Variants in PCDHGA8 observed in about 807,000 individuals in gnomAD.
PCDHGA8 encodes protocadherin gamma-A8.
A neutral mutation model predicts 59.2 loss-of-function variants in PCDHGA8; 45 were observed. The observed-to-expected ratio is 0.76, with a 90% CI of 0.60 to 0.98. The LOEUF is 0.98. PCDHGA8 is among the 50% of genes least tolerant of loss of function. The pLI is 0.00. For synonymous variants in PCDHGA8, 531 were observed against 519.0 expected (o/e 1.02, Z -0.32); for missense variants, 1,257 against 1,196.2 (o/e 1.05, Z -0.75).
intron 1 of PCDHGA8, among the ~76,000 whole-genome samples, chr5:141,455,407 A>T (rs1273781307): frequency 1.3e-5 from 2 of 152,174 alleles, no homozygotes; most frequent in Non-Finnish European, 2.9e-5. Context: ...TTACAGAGAC[A>T]GAGGGAGCGG....
rs777856819 is a variant in PCDHGA8, at chr5:141,487,572, T to A, written c.2425-7235T>A. On this transcript the variant is annotated intron_variant, in intron 1 of 3. Coordinates refer to ENST00000398604, the MANE Select transcript of PCDHGA8 (RefSeq NM_032088.2). The surrounding 1 kb of genome is among the most constrained non-coding windows in gnomAD (Gnocchi z 5.0). ...AGTGCACCTATGGCAGGGGAGCCTG[T>A]TCGCCCAAGCTGCCCACCCTCTGAT... 1 of 1,614,168 alleles carries A rather than the reference T, an allele frequency of 6.2e-7. No individual in the cohort carries two copies. Among genetic ancestry groups the A allele is most frequent in the Non-Finnish European group, 8.5e-7 (1 of 1,180,034 alleles).
intron 1 of PCDHGA8, chr5:141,414,666 A>G (rs1243321329): frequency 6.2e-7 from 1 of 1,614,002 alleles, no homozygotes; most frequent in Admixed American, 1.7e-5. Context: ...CCCTGGCTGA[A>G]GACACCATCC....
intron 2 of PCDHGA8, among the ~76,000 whole-genome samples, chr5:141,504,799 C>A (rs1474096570): frequency 6.6e-6 from 1 of 151,994 alleles, no homozygotes; most frequent in African/African-American, 2.4e-5. Context: ...CCTACATCTC[C>A]CCCTAGGTAC....
At chr5:141,400,052 T>C in intron 1 of PCDHGA8, 1 of 1,613,686 alleles carries the variant, frequency 6.2e-7, no homozygotes, top group Non-Finnish European at 8.5e-7. Context: ...CTGGTTGCTG[T>C]GCGTGATGGT....
intron 1 of PCDHGA8, among the ~76,000 whole-genome samples, chr5:141,480,272 G>A (rs903112862): frequency 7.2e-6 from 1 of 138,796 alleles, no homozygotes; most frequent in African/African-American, 3.0e-5. Flanking sequence ...TTCATTAGCT[G>A]GGTGTGTTGG....
intron 1 of PCDHGA8, chr5:141,410,091 G>A: frequency 8.7e-6 from 14 of 1,612,518 alleles, no homozygotes; most frequent in African/African-American, 1.3e-5. Flanking sequence ...CGCACGGCTC[G>A]AGCCTTAGGC....
chr5:141,489,579 C>G lies in PCDHGA8; in HGVS notation c.2425-5228C>G, dbSNP rs112808093. 3.7e-6 allele frequency: 6 copies of G among 1,613,922 alleles called. No individual in the cohort carries two copies. The Admixed American group carries it at 5.0e-5, about 13-fold the overall frequency. On this transcript the variant is annotated intron_variant, in intron 1 of 3. Transcript: ENST00000398604. This position sits in a 1 kb window ranked among gnomAD's most constrained non-coding sequence, Gnocchi z 4.5. ...CAGTGCAGGTGGTGACTGAACACCC[C>G]CTGGAGCTAATCCGTGTAGAGGTAG... is the stretch of plus-strand genomic sequence containing the variant.
chr5:141,432,686 G>A lies in PCDHGA8; in HGVS notation c.2424+37449G>A. On this transcript the variant is annotated intron_variant, in intron 1 of 3. Transcript: ENST00000398604. The surrounding 1 kb of genome is among the most constrained non-coding windows in gnomAD (Gnocchi z 6.0). The stretch of plus-strand genomic sequence containing the variant: ...CAGAGACGCGCTCAAGCAGAGCCTC[G>A]TAGTGGCCGTCCAGGACCACGGCCA... 2 of 1,613,922 alleles carry A rather than the reference G, an allele frequency of 1.2e-6. No homozygotes were observed. The highest frequency in any genetic ancestry group is 1.7e-5 in the Admixed American group (1 of 60,020).
chr5:141,415,007 G>C, intron 1 of PCDHGA8: 1 of 1,613,654 alleles, frequency 6.2e-7, no homozygotes, highest in Non-Finnish European at 8.5e-7. Context: ...CTGTCCTACC[G>C]TCTGCTCAAG....
At chr5:141,408,677 G>A (rs2095149334) in intron 1 of PCDHGA8, 1 of 1,613,898 alleles carries the variant, frequency 6.2e-7, no homozygotes. Flanking sequence ...CCCTGCCACG[G>A]ATCCTGATAT....
intron 1 of PCDHGA8, chr5:141,422,413 GAA>G (rs753790858): frequency 6.2e-7 from 1 of 1,604,644 alleles, no homozygotes; most frequent in South Asian, 1.1e-5. Flanking sequence ...TTTTAAATTA[GAA>G]AAGACTTATG....
rs138149681 is a variant in PCDHGA8, at chr5:141,486,735, G to A, written c.2425-8072G>A. Reference sequence around the variant, plus strand: ...CAGACAGGAGCTGTTCATGCTACTCGATCCTTTGACTATGAGCAAACCCAG... The same window carrying A: ...CAGACAGGAGCTGTTCATGCTACTCAATCCTTTGACTATGAGCAAACCCAG... On this transcript the variant is annotated intron_variant, in intron 1 of 3. Transcript: ENST00000398604. The surrounding 1 kb of genome is among the most constrained non-coding windows in gnomAD (Gnocchi z 5.0). 3.1e-4 allele frequency: 502 copies of A among 1,614,174 alleles called. 1 individual carries two copies. Among genetic ancestry groups the A allele is most frequent in the South Asian group, 1.8e-3 (161 of 91,086 alleles).
chr5:141,438,471 A>C (rs1019238906), intron 1 of PCDHGA8, among the ~76,000 whole-genome samples: 4 of 151,396 alleles, frequency 2.6e-5, no homozygotes, highest in Admixed American at 2.6e-4. Flanking sequence ...CAATTATTGG[A>C]AAGTGGTCTC....
At chr5:141,422,617 G>T (rs758903894) in intron 1 of PCDHGA8, 3 of 1,613,524 alleles carry the variant, frequency 1.9e-6, no homozygotes, top group Non-Finnish European at 2.5e-6. Context: ...CTACATTCCC[G>T]AAAACAACCC....
At chr5:141,430,713 T>G in intron 1 of PCDHGA8, 1 of 1,481,944 alleles carries the variant, frequency 6.7e-7, no homozygotes, top group Non-Finnish European at 9.0e-7. Context: ...GCTCCTGACT[T>G]CAGTGGTTAA....
chr5:141,465,786 T>G (rs1236517595), intron 1 of PCDHGA8, among the ~76,000 whole-genome samples: 1 of 152,136 alleles, frequency 6.6e-6, no homozygotes, highest in Non-Finnish European at 1.5e-5. Flanking sequence ...ACAGTTTTTT[T>G]TTTTTTAAGA....
chr5:141,502,491 T>G lies in PCDHGA8; in HGVS notation c.2484-2902T>G, dbSNP rs557202239. Among the ~76,000 whole-genome samples, 1,415 of 152,344 alleles carry G rather than the reference T, an allele frequency of 9.3e-3. 29 individuals carry two copies. The highest frequency in any genetic ancestry group is 0.033 in the African/African-American group (1,352 of 41,578). ...TCCCGCAGCATCACACTGGGACTCA[T>G]CTAACGTCGGCCTGTCCCACTATCA... is the stretch of plus-strand genomic sequence containing the variant. On this transcript the variant is annotated intron_variant, in intron 2 of 3. Transcript: ENST00000398604.
chr5:141,422,432 A>G, intron 1 of PCDHGA8: 1 of 1,609,448 alleles, frequency 6.2e-7, no homozygotes, highest in Non-Finnish European at 8.5e-7. Context: ...TATGGAAATT[A>G]TTACAAATTG....
At chr5:141,456,204 C>A (rs867187371) in intron 1 of PCDHGA8, among the ~76,000 whole-genome samples, 17 of 152,222 alleles carry the variant, frequency 1.1e-4, no homozygotes, top group South Asian at 2.1e-4. Context: ...CTACCACATT[C>A]CTCCCTGTGG....
Sources: gnomAD v4.1 joint callset for allele counts (sites outside exome capture counted in the v4.1 genomes callset) on GRCh38, gnomAD v4.1.1 for gene constraint, Gnocchi (gnomAD v3.1) non-coding constraint, MANE v1.5 for transcripts, NCBI Gene and HGNC (gene_info 2026-07-23, HGNC 2026-07-21) for gene names.